The following ST6GALNAC3 variants were observed in gnomAD, a reference collection of about 807,000 sequenced individuals.
ST6GALNAC3 encodes ST6 N-acetylgalactosaminide alpha-2,6-sialyltransferase 3, also known as alpha-N-acetylgalactosaminide alpha-2,6-sialyltransferase 3.
ST6GALNAC3 carries 25 observed loss-of-function variants against 32.7 expected under a neutral mutation model. The observed-to-expected ratio is 0.76, with a 90% CI of 0.56 to 1.07. The LOEUF (loss-of-function observed/expected upper bound fraction) is 1.07. ST6GALNAC3 is among the 50% of genes least tolerant of loss of function. ST6GALNAC3 has a pLI of 0.00. For synonymous variants in ST6GALNAC3, 129 were observed against 133.1 expected, an observed-to-expected ratio of 0.97 and a Z score of 0.21; for missense variants, 355 against 382.4, an observed-to-expected ratio of 0.93 and a Z score of 0.60.
At chr1:76,483,344 G>C (rs1019970864) in intron 3 of ST6GALNAC3, among the ~76,000 whole-genome samples, 12 of 152,176 alleles carry the variant, frequency 7.9e-5, no homozygotes, top group African/African-American at 2.9e-4. Flanking sequence ...CCCACCAACA[G>C]TGTAAAAGTG....
At chr1:76,282,062 A>G (rs1659526953) in intron 1 of ST6GALNAC3, among the ~76,000 whole-genome samples, 1 of 152,138 alleles carries the variant, frequency 6.6e-6, no homozygotes, top group Non-Finnish European at 1.5e-5. Flanking sequence ...AGTCATCTAA[A>G]ATGATTAGAA....
rs755275098 is a variant in ST6GALNAC3, at chr1:76,542,441, A to G, written c.624-85011A>G. Among the ~76,000 whole-genome samples, 122 of 152,304 alleles carry G rather than the reference A, an allele frequency of 8.0e-4. No individual in the cohort carries two copies. In the Middle Eastern group the frequency reaches 0.024, roughly 30 times the overall value. ...AGCCTGCTATGGAATTATGACTATT[A>G]ATAATTCATGCTCTAATTTAAGAAA... On this transcript the variant is annotated intron_variant, in intron 3 of 4. Coordinates refer to ENST00000328299, the MANE Select transcript of ST6GALNAC3 (RefSeq NM_152996.4).
chr1:76,543,961 T>A (rs1664142540), intron 3 of ST6GALNAC3, among the ~76,000 whole-genome samples: 1 of 152,112 alleles, frequency 6.6e-6, no homozygotes, highest in Non-Finnish European at 1.5e-5. Flanking sequence ...GAGCACATAC[T>A]ATCTGCAGCT....
chr1:76,125,794 A>G (rs1412750295), intron 1 of ST6GALNAC3, among the ~76,000 whole-genome samples: 1 of 151,996 alleles, frequency 6.6e-6, no homozygotes, highest in East Asian at 1.9e-4. Context: ...TTAACACCAG[A>G]TCTCCTTCAT....
chr1:76,399,200 C>T (rs1475310293), intron 2 of ST6GALNAC3, among the ~76,000 whole-genome samples: 1 of 152,062 alleles, frequency 6.6e-6, no homozygotes, highest in Non-Finnish European at 1.5e-5. Flanking sequence ...TTCATTTTAT[C>T]AGTCTTTTCT....
intron 1 of ST6GALNAC3, chr1:76,310,130 G>T: frequency 2.8e-6 from 1 of 359,004 alleles, no homozygotes. Context: ...AATCCCATCT[G>T]GGTCTCCTTC....
At chr1:76,627,847 G>C (rs988409904) in intron 4 of ST6GALNAC3, among the ~76,000 whole-genome samples, 1 of 151,918 alleles carries the variant, frequency 6.6e-6, no homozygotes, top group Admixed American at 6.6e-5. Flanking sequence ...GAAGTTTAGT[G>C]GTTGTGTAAT....
chr1:76,334,537 T>G (rs139891347), intron 2 of ST6GALNAC3, among the ~76,000 whole-genome samples: 59 of 152,330 alleles, frequency 3.9e-4, no homozygotes, highest in African/African-American at 1.3e-3. Flanking sequence ...AAAGCGATGT[T>G]GGACAAATGA....
At chr1:76,407,265 A>G in intron 2 of ST6GALNAC3, among the ~76,000 whole-genome samples, 1 of 152,104 alleles carries the variant, frequency 6.6e-6, no homozygotes, top group East Asian at 1.9e-4. Context: ...GAATTTTAAA[A>G]TTATTTTACT....
intron 1 of ST6GALNAC3, among the ~76,000 whole-genome samples, chr1:76,287,957 C>T (rs1306944157): frequency 2.0e-5 from 3 of 152,146 alleles, no homozygotes; most frequent in Non-Finnish European, 4.4e-5. Context: ...AGTTTGTGAG[C>T]AGCAGAAGGG....
At chr1:76,363,038 G>A (rs1051833722) in intron 2 of ST6GALNAC3, among the ~76,000 whole-genome samples, 5 of 152,222 alleles carry the variant, frequency 3.3e-5, no homozygotes, top group African/African-American at 4.8e-5. Context: ...TTCTCCATGA[G>A]GGATCTGCTC....
rs3079481 is a variant in ST6GALNAC3, at chr1:76,356,434, T to TAAAA, written c.213+42450_213+42453dup. On this transcript the variant is annotated intron_variant, in intron 2 of 4. Coordinates refer to ENST00000328299, the MANE Select transcript of ST6GALNAC3 (RefSeq NM_152996.4). ...GTGATATAGCAATGAACAGTAGGGT[T>TAAAA]AAAAAAAAAAAAAAAAAAGCCTAAT... Among the ~76,000 whole-genome samples, 1,152 of 120,302 alleles carry TAAAA rather than the reference T, an allele frequency of 9.6e-3. 28 individuals carry two copies. The highest frequency in any genetic ancestry group is 0.02 in the African/African-American group (622 of 30,504). The allele number at this position is 120,302 out of a possible 152,430, so 78.9% of individuals were successfully genotyped here. A position where few individuals can be genotyped will look rare whatever the true frequency, so the allele number is the denominator to read the frequency against.
chr1:76,474,977 C>T (rs1659255477), intron 3 of ST6GALNAC3, among the ~76,000 whole-genome samples: 1 of 152,148 alleles, frequency 6.6e-6, no homozygotes, highest in Non-Finnish European at 1.5e-5. Context: ...AAACCCTAAC[C>T]TCAGCTTTTT....
At chr1:76,590,838 A>G (rs1647036400) in intron 3 of ST6GALNAC3, among the ~76,000 whole-genome samples, 1 of 152,294 alleles carries the variant, frequency 6.6e-6, no homozygotes, top group Non-Finnish European at 1.5e-5. Flanking sequence ...GAAAGTGCAT[A>G]TGATAACAGG....
chr1:76,416,122 TA>T (rs1161628784), intron 3 of ST6GALNAC3, among the ~76,000 whole-genome samples: 3 of 151,430 alleles, frequency 2.0e-5, no homozygotes, highest in African/African-American at 7.3e-5. Flanking sequence ...ATAATTATGG[TA>T]AACACTTTAA....
chr1:76,141,517 A>T (rs1026890127), intron 1 of ST6GALNAC3, among the ~76,000 whole-genome samples: 1 of 152,244 alleles, frequency 6.6e-6, no homozygotes, highest in Admixed American at 6.5e-5. Flanking sequence ...TCAGCATTCA[A>T]CAAAAGATAG....
chr1:76,589,486 GA>G (rs1000822188), intron 3 of ST6GALNAC3, among the ~76,000 whole-genome samples: 3 of 151,396 alleles, frequency 2.0e-5, no homozygotes, highest in Admixed American at 6.6e-5. Flanking sequence ...CTTCTGAGCT[GA>G]AAAAAAATGT....
chr1:76,120,156 A>G (rs980103241), intron 1 of ST6GALNAC3, among the ~76,000 whole-genome samples: 1 of 152,252 alleles, frequency 6.6e-6, no homozygotes, highest in East Asian at 1.9e-4. Flanking sequence ...ATACATCCCC[A>G]TCACTTGGCT....
chr1:76,612,650 C>T (rs748204394), intron 3 of ST6GALNAC3, among the ~76,000 whole-genome samples: 38 of 152,096 alleles, frequency 2.5e-4, no homozygotes, highest in South Asian at 4.1e-4. Flanking sequence ...TCTTCTCTGA[C>T]GATGTGCAAA....
Sources: gnomAD v4.1 joint callset for allele counts (sites outside exome capture counted in the v4.1 genomes callset) on GRCh38, gnomAD v4.1.1 for gene constraint, MANE v1.5 for transcripts, NCBI Gene and HGNC (gene_info 2026-07-23, HGNC 2026-07-21) for gene names.